EXOC4: variants seen among roughly 807,000 people sequenced by gnomAD.
EXOC4 encodes the protein exocyst complex component 4.
Under a neutral mutation model 107.2 loss-of-function variants are expected in EXOC4, and 71 were observed. The observed-to-expected ratio is 0.66, with a 90% CI of 0.55 to 0.81. The LOEUF (loss-of-function observed/expected upper bound fraction) is 0.81, where lower values mean the gene tolerates loss of function less well. Among genes scored for constraint, EXOC4 ranks in the 30% least tolerant of loss-of-function variants. EXOC4 has a pLI of 0.00. For missense variants in EXOC4, 1,108 were observed against 1,189.6 expected (o/e 0.93, Z 1.01); for synonymous variants, 456 against 441.2 (o/e 1.03, Z -0.42).
At chr7:134,060,804 T>C (rs867790105) in intron 17 of EXOC4, among the ~76,000 whole-genome samples, 1 of 152,240 alleles carries the variant, frequency 6.6e-6, no homozygotes, top group African/African-American at 2.4e-5. Context: ...CTTCTGTCTT[T>C]AAATATTTAT....
At chr7:133,869,349 C>T (rs779111081) in intron 11 of EXOC4, among the ~76,000 whole-genome samples, 2 of 152,054 alleles carry the variant, frequency 1.3e-5, no homozygotes, top group African/African-American at 2.4e-5. Context: ...GCTCTGGGCT[C>T]CTCCACTTAC....
At chr7:133,696,562 T>C (rs1230336475) in intron 10 of EXOC4, among the ~76,000 whole-genome samples, 3 of 152,182 alleles carry the variant, frequency 2.0e-5, no homozygotes, top group Non-Finnish European at 4.4e-5. Flanking sequence ...CCATGTACCT[T>C]ATGGTCTTAT....
chr7:133,664,864 G>C (rs1014441), intron 10 of EXOC4, among the ~76,000 whole-genome samples: 1 of 151,926 alleles, frequency 6.6e-6, no homozygotes, highest in African/African-American at 2.4e-5. Context: ...GAAAAAAAAA[G>C]TCTCATCCAA....
rs1370881331 is a variant in EXOC4 at position 133,687,961 on chromosome 7, CTG to C, written c.1514+57826_1514+57827del. ...AATACTAGTGTATAACTCTAACAAACTGTGTGTATACAGGCATGTGTGAAATT... is the reference window on the plus strand; with the variant it reads ...AATACTAGTGTATAACTCTAACAAACTGTGTATACAGGCATGTGTGAAATT... On this transcript the variant is annotated intron_variant, in intron 10 of 17. Transcript: ENST00000253861. 3.9e-5 allele frequency among the ~76,000 whole-genome samples: 6 copies of C among 152,054 alleles called. No homozygotes were observed. In the South Asian group the frequency reaches 8.3e-4, roughly 21 times the overall value.
At chr7:133,815,028 G>C (rs1797332162) in intron 10 of EXOC4, among the ~76,000 whole-genome samples, 1 of 152,116 alleles carries the variant, frequency 6.6e-6, no homozygotes, top group African/African-American at 2.4e-5. Context: ...TTGTGGAACT[G>C]TAAAAATGAC....
chr7:133,730,218 C>G (rs1037976363), intron 10 of EXOC4, among the ~76,000 whole-genome samples: 74 of 148,730 alleles, frequency 5.0e-4, no homozygotes, highest in African/African-American at 1.8e-3. Context: ...TCTTTCTGAC[C>G]TACATTGTAC....
chr7:134,064,662 TTCTC>T lies in EXOC4; in HGVS notation c.*138_*141del. On this transcript the variant is annotated 3_prime_UTR_variant, in exon 18 of 18. Transcript: ENST00000253861. ...AGTGGAGAGGAGGTGTAAGGATTCTTTCTCTCTGGTTTTGGCTTTTCATATAAAT... is the reference window on the plus strand; with the variant it reads ...AGTGGAGAGGAGGTGTAAGGATTCTTTCTGGTTTTGGCTTTTCATATAAAT... 1.7e-6 allele frequency: 1 copy of T among 591,884 alleles called. No homozygotes were observed. Among genetic ancestry groups the T allele is most frequent in the East Asian group, 3.1e-5 (1 of 32,218 alleles). The allele number at this position is 591,884 out of a possible 1,614,324, so 36.7% of individuals were successfully genotyped here. A position where few individuals can be genotyped will look rare whatever the true frequency, so the allele number is the denominator to read the frequency against.
At chr7:133,784,749 A>G (rs1796534690) in intron 10 of EXOC4, among the ~76,000 whole-genome samples, 1 of 152,184 alleles carries the variant, frequency 6.6e-6, no homozygotes, top group Non-Finnish European at 1.5e-5. Context: ...ATTGAAAGCC[A>G]GTTGAGCATG....
intron 10 of EXOC4, among the ~76,000 whole-genome samples, chr7:133,780,961 G>C (rs1796453473): frequency 6.6e-6 from 1 of 152,080 alleles, no homozygotes; most frequent in South Asian, 2.1e-4. Context: ...GCGCTTCATG[G>C]TGACTCCACT....
the EXOC4 span, among the ~76,000 whole-genome samples, chr7:134,082,181 A>AT: frequency 1.2e-3 from 178 of 151,468 alleles, no homozygotes; most frequent in African/African-American, 3.7e-3. Context: ...CTGGTTGCCC[A>AT]TTTTTTTTTT....
rs1355455263 is a variant in EXOC4 at position 133,275,149 on chromosome 7, A to G, written c.254A>G (p.Asn85Ser). 2 of 1,596,962 alleles carry G rather than the reference A, an allele frequency of 1.3e-6. No individual in the cohort carries two copies. Among genetic ancestry groups the G allele is most frequent in the Admixed American group, 1.7e-5 (1 of 58,078 alleles). ...CAGAGCATCACAGAGCGCATCACTA[A>G]CTCCCGAAATAAAATAAAGCAGGTA... ...TYQSITERIT[N>S]SRNKIKQVKE... Residue 85 changes from asparagine (N) to serine (S), a missense_variant, in exon 2 of 18, where the codon AAC (asparagine) becomes AGC (serine). Coordinates refer to ENST00000253861, the MANE Select transcript of EXOC4 (RefSeq NM_021807.4).
chr7:133,489,459 T>A (rs1409494626), intron 9 of EXOC4, among the ~76,000 whole-genome samples: 2 of 152,174 alleles, frequency 1.3e-5, no homozygotes, highest in African/African-American at 4.8e-5. Context: ...GCAGCACTTT[T>A]GTTGCAACTC....
At chr7:133,898,186 C>G (rs984966639) in intron 12 of EXOC4, among the ~76,000 whole-genome samples, 3 of 151,806 alleles carry the variant, frequency 2.0e-5, no homozygotes, top group African/African-American at 7.3e-5. Flanking sequence ...TAGGGTATGC[C>G]AAAATTTATA....
In EXOC4 at chr7:133,944,378, T is replaced by A. The variant is rs1205110110; in HGVS notation, c.2206+6309T>A. Among the ~76,000 whole-genome samples the A allele has an allele frequency of 2.6e-5, 4 of 152,198 alleles. No individual in the cohort carries two copies. The East Asian group carries it at 7.7e-4, about 29-fold the overall frequency. On this transcript the variant is annotated intron_variant, in intron 14 of 17. Coordinates refer to ENST00000253861, the MANE Select transcript of EXOC4 (RefSeq NM_021807.4). ...ATTCTGGTTGGGTATTTGTAGAATC[T>A]TCTTCAATCTGGGTTTATCTGGTGT...
chr7:133,411,358 G>A lies in EXOC4; in HGVS notation c.1182+36356G>A, dbSNP rs76622519. Reference sequence around the variant, plus strand: ...AATATAAAGAAGTTGAAGCATCTTTGTATATTCTGTAGATCATAGATCCTC... The same window carrying A: ...AATATAAAGAAGTTGAAGCATCTTTATATATTCTGTAGATCATAGATCCTC... On this transcript the variant is annotated intron_variant, in intron 7 of 17. Transcript: ENST00000253861. 1.1e-3 allele frequency among the ~76,000 whole-genome samples: 166 copies of A among 152,210 alleles called. 1 individual carries two copies. Among genetic ancestry groups the A allele is most frequent in the South Asian group, 8.7e-3 (42 of 4,822 alleles).
chr7:133,367,780 C>A (rs181775176), intron 6 of EXOC4, among the ~76,000 whole-genome samples: 1 of 152,086 alleles, frequency 6.6e-6, no homozygotes, highest in East Asian at 1.9e-4. Flanking sequence ...TGAGATAATC[C>A]AAGTAAAGTA....
At chr7:134,056,137 G>C (rs1795916381) in intron 17 of EXOC4, among the ~76,000 whole-genome samples, 1 of 152,132 alleles carries the variant, frequency 6.6e-6, no homozygotes, top group Non-Finnish European at 1.5e-5. Context: ...GGTCACTAAA[G>C]TATATAATAC....
chr7:133,532,451 G>A (rs998452635), intron 9 of EXOC4, among the ~76,000 whole-genome samples: 3 of 152,058 alleles, frequency 2.0e-5, no homozygotes, highest in Non-Finnish European at 4.4e-5. Flanking sequence ...ATCAAGAGTT[G>A]GTGCTTCGTT....
chr7:133,838,361 T>C lies in EXOC4; in HGVS notation c.1734+20817T>C, dbSNP rs115144572. On this transcript the variant is annotated intron_variant, in intron 11 of 17. Transcript: ENST00000253861. Reference sequence around the variant, plus strand: ...AGGGGTATAAATTGATGCTGTTTAATAGAAATCTCTCCCCTTCATCTGCAA... The same window carrying C: ...AGGGGTATAAATTGATGCTGTTTAACAGAAATCTCTCCCCTTCATCTGCAA... 2.4e-3 allele frequency among the ~76,000 whole-genome samples: 365 copies of C among 152,314 alleles called. 5 individuals are homozygous for C. Among genetic ancestry groups the C allele is most frequent in the African/African-American group, 8.2e-3 (341 of 41,578 alleles).
Sources: gnomAD v4.1 joint callset for allele counts (sites outside exome capture counted in the v4.1 genomes callset) on GRCh38, gnomAD v4.1.1 for gene constraint, MANE v1.5 for transcripts, NCBI Gene and HGNC (gene_info 2026-07-23, HGNC 2026-07-21) for gene names.